The following CCDC7 variants were observed in gnomAD, a reference collection of about 807,000 sequenced individuals.
The protein encoded by CCDC7 is coiled-coil domain-containing protein 7.
In CCDC7, 183 loss-of-function variants were observed where a neutral mutation model predicts 196.9. The ratio of observed to expected loss-of-function variants is 0.93; its 90% CI spans 0.82 to 1.05. The LOEUF is 1.05. Among genes scored for constraint, CCDC7 ranks in the 50% least tolerant of loss-of-function variants. CCDC7 has a pLI of 0.00. For synonymous variants in CCDC7, 525 were observed against 484.6 expected, an observed-to-expected ratio of 1.08 and a Z score of -1.10; for missense variants, 1,540 against 1,482.2, an observed-to-expected ratio of 1.04 and a Z score of -0.64.
chr10:32,652,778 GTTA>G (rs1260209288), intron 20 of CCDC7, among the ~76,000 whole-genome samples: 10 of 151,858 alleles, frequency 6.6e-5, no homozygotes. Flanking sequence ...AATTTTTCTA[GTTA>G]TTATTTTTTA....
chr10:32,779,017 A>T (rs185065690), exon 29 of CCDC7: 2 of 1,550,308 alleles, frequency 1.3e-6, no homozygotes, highest in Admixed American at 2.0e-5. Context: ...ATACAGCAGA[A>T]AATCTTCCAG....
intron 9 of CCDC7, among the ~76,000 whole-genome samples, chr10:32,508,682 G>A (rs2045591242): frequency 6.7e-6 from 1 of 150,254 alleles, no homozygotes; most frequent in Non-Finnish European, 1.5e-5. Flanking sequence ...GAGTGCAATG[G>A]CACCATCTCA....
At chr10:32,647,900 C>A (rs1017832141) in intron 20 of CCDC7, among the ~76,000 whole-genome samples, 1 of 152,210 alleles carries the variant, frequency 6.6e-6, no homozygotes, top group African/African-American at 2.4e-5. Context: ...AAATTATTTG[C>A]CAAGGCCTAT....
chr10:32,667,226 T>G (rs1565045145), intron 21 of CCDC7, among the ~76,000 whole-genome samples: 3 of 152,212 alleles, frequency 2.0e-5, no homozygotes, highest in Non-Finnish European at 4.4e-5. Flanking sequence ...GTTTGATTTT[T>G]TCTTGTAAAT....
chr10:32,743,029 G>T (rs1044193424), intron 28 of CCDC7, among the ~76,000 whole-genome samples: 4 of 152,108 alleles, frequency 2.6e-5, no homozygotes, highest in African/African-American at 9.7e-5. Flanking sequence ...GAATACTCTG[G>T]ATATACCACA....
exon 25 of CCDC7, chr10:32,711,671 T>G: frequency 6.3e-7 from 1 of 1,597,676 alleles, no homozygotes; most frequent in Non-Finnish European, 8.5e-7. Flanking sequence ...CAAGATTCAG[T>G]GTCAAAAATC....
intron 18 of CCDC7, among the ~76,000 whole-genome samples, chr10:32,591,057 A>G (rs1368691027): frequency 1.3e-5 from 2 of 151,976 alleles, no homozygotes; most frequent in Non-Finnish European, 2.9e-5. Flanking sequence ...TATCTCTTTG[A>G]ATAAACTTTT....
At chr10:32,572,947 G>A (rs1016180214) in intron 16 of CCDC7, among the ~76,000 whole-genome samples, 1 of 139,466 alleles carries the variant, frequency 7.2e-6, no homozygotes, top group South Asian at 2.3e-4. Flanking sequence ...GCATGATCTC[G>A]GCTCACTGCA....
chr10:32,572,084 AAAATTT>A (rs1274247181), intron 16 of CCDC7, among the ~76,000 whole-genome samples, 191 bp downstream of exon 17: 3 of 152,252 alleles, frequency 2.0e-5, no homozygotes, highest in East Asian at 1.9e-4. Flanking sequence ...AATTAAATGA[AAAATTT>A]AAATTTAAAT....
intron 28 of CCDC7, among the ~76,000 whole-genome samples, chr10:32,748,753 C>T (rs1435626463): frequency 6.6e-6 from 1 of 152,112 alleles, no homozygotes; most frequent in Non-Finnish European, 1.5e-5. Context: ...TGGGTATTTC[C>T]CTTCATGTAG....
At chr10:32,575,453 G>T (rs866652360) in intron 16 of CCDC7, among the ~76,000 whole-genome samples, 6 of 152,088 alleles carry the variant, frequency 3.9e-5, no homozygotes, top group Admixed American at 3.9e-4. Flanking sequence ...TCATTATTCC[G>T]TAGAGAAATA....
chr10:32,522,388 T>G (rs988692288), intron 11 of CCDC7, among the ~76,000 whole-genome samples: 1 of 152,126 alleles, frequency 6.6e-6, no homozygotes, highest in African/African-American at 2.4e-5. Flanking sequence ...TTTTTTCATG[T>G]TTCAATTTTG....
At chr10:32,763,738 A>G (rs923205184) in intron 28 of CCDC7, among the ~76,000 whole-genome samples, 2 of 151,702 alleles carry the variant, frequency 1.3e-5, no homozygotes, top group Non-Finnish European at 3.0e-5. Context: ...GAAAAATTCT[A>G]CATGATCTCA....
At chr10:32,580,062 T>C (rs893561252) in intron 16 of CCDC7, among the ~76,000 whole-genome samples, 24 of 152,024 alleles carry the variant, frequency 1.6e-4, no homozygotes, top group African/African-American at 4.8e-4. Context: ...AGCTACCAAG[T>C]AGGGAAGGGA....
At chr10:32,705,459 C>T (rs534927107) in intron 24 of CCDC7, among the ~76,000 whole-genome samples, 18 of 152,214 alleles carry the variant, frequency 1.2e-4, no homozygotes, top group Non-Finnish European at 2.2e-4. Flanking sequence ...ATCAAATTCA[C>T]ACATAACAAT....
chr10:32,636,183 A>G (rs1169457859), intron 20 of CCDC7, among the ~76,000 whole-genome samples: 2 of 152,184 alleles, frequency 1.3e-5, no homozygotes, highest in Non-Finnish European at 2.9e-5. Context: ...TTGCAAGTAT[A>G]GTACTTAACA....
chr10:32,661,780 C>G (rs892682397), intron 20 of CCDC7, among the ~76,000 whole-genome samples: 3 of 152,042 alleles, frequency 2.0e-5, no homozygotes, highest in African/African-American at 7.3e-5. Flanking sequence ...TTTATTCATC[C>G]CTCTCTTCTC....
At chr10:32,641,804 T>A (rs1244595379) in intron 20 of CCDC7, among the ~76,000 whole-genome samples, 2 of 152,196 alleles carry the variant, frequency 1.3e-5, no homozygotes, top group African/African-American at 4.8e-5. Context: ...TGGTCTTTGA[T>A]GATGGTGACG....
intron 8 of CCDC7, among the ~76,000 whole-genome samples, chr10:32,478,246 C>G (rs1239316613): frequency 6.6e-6 from 1 of 152,082 alleles, no homozygotes; most frequent in African/African-American, 2.4e-5. Context: ...TTGGGATATT[C>G]TATAGAGACA....
Sources: gnomAD v4.1 joint callset for allele counts (sites outside exome capture counted in the v4.1 genomes callset) on GRCh38, gnomAD v4.1.1 for gene constraint, MANE v1.5 for transcripts, NCBI Gene and HGNC (gene_info 2026-07-23, HGNC 2026-07-21) for gene names.